Variants in PAM observed in about 807,000 individuals in gnomAD.
PAM encodes the protein peptidyl-glycine alpha-amidating monooxygenase.
Under a neutral mutation model 122.1 loss-of-function variants are expected in PAM, and 72 were observed. The observed-to-expected ratio is 0.59, with a 90% CI of 0.49 to 0.72. The LOEUF (loss-of-function observed/expected upper bound fraction) is 0.72, where lower values mean the gene tolerates loss of function less well. Ranked by LOEUF, PAM falls within the 30% of genes least tolerant of loss-of-function variation. The probability of loss-of-function intolerance (pLI) is 0.00; values close to 1 mark genes in which losing one functional copy is unlikely to be tolerated. For synonymous variants in PAM, 389 were observed against 404.4 expected, an observed-to-expected ratio of 0.96 and a Z score of 0.46; for missense variants, 1,106 against 1,183.7, an observed-to-expected ratio of 0.93 and a Z score of 0.96.
In PAM at chr5:102,901,428, G is replaced by T. The variant is rs745491441; in HGVS notation, c.268+15G>T. On this transcript the variant is annotated intron_variant, in intron 4 of 25. Coordinates refer to ENST00000438793, the MANE Select transcript of PAM (RefSeq NM_001177306.2). The stretch of plus-strand genomic sequence containing the variant: ...AGCCTTCGTGAGTAAGTATTAATTG[G>T]ATTGGGGGAGTAGCAGTTTAATGGA... The T allele has an allele frequency of 1.2e-5, 18 of 1,462,118 alleles. No homozygotes were observed. In the East Asian group the frequency reaches 3.4e-4, roughly 28 times the overall value. The allele number at this position is 1,462,118 out of a possible 1,614,324, so 90.6% of individuals were successfully genotyped here.
chr5:102,858,979 G>A (rs1421564328), intron 1 of PAM, among the ~76,000 whole-genome samples: 1 of 151,724 alleles, frequency 6.6e-6, no homozygotes, highest in Non-Finnish European at 1.5e-5. Flanking sequence ...TTACTCATGT[G>A]TTTGTGGTGA....
intron 1 of PAM, among the ~76,000 whole-genome samples, chr5:102,789,517 T>A (rs1179200290): frequency 1.3e-5 from 2 of 152,118 alleles, no homozygotes; most frequent in African/African-American, 4.8e-5. Context: ...GACATTACGC[T>A]AGGTGAAATA....
At chr5:102,788,333 G>A (rs1761117688) in intron 1 of PAM, among the ~76,000 whole-genome samples, 1 of 152,090 alleles carries the variant, frequency 6.6e-6, no homozygotes, top group Non-Finnish European at 1.5e-5. Context: ...GAAGGTGGCA[G>A]TGAGTTATTA....
At chr5:102,985,915 C>G (rs1428615442) in intron 15 of PAM, among the ~76,000 whole-genome samples, 1 of 152,054 alleles carries the variant, frequency 6.6e-6, no homozygotes, top group African/African-American at 2.4e-5. Context: ...AAATTTATTG[C>G]TGGGATATGA....
intron 1 of PAM, among the ~76,000 whole-genome samples, chr5:102,790,805 C>T (rs1457978290): frequency 6.6e-6 from 1 of 151,920 alleles, no homozygotes; most frequent in East Asian, 1.9e-4. Context: ...TTGAATTATA[C>T]TTGTTCATTA....
chr5:102,953,904 T>C (rs1437043938), intron 12 of PAM, among the ~76,000 whole-genome samples: 6 of 152,060 alleles, frequency 3.9e-5, no homozygotes, highest in African/African-American at 1.2e-4. Context: ...TCCCAGCTAC[T>C]TGGGAGGCTG....
chr5:102,755,338 T>C lies in PAM; in HGVS notation c.-384T>C, dbSNP rs1749774407. On this transcript the variant is annotated 5_prime_UTR_variant, in exon 1 of 26. Coordinates refer to ENST00000438793, the MANE Select transcript of PAM (RefSeq NM_001177306.2). The stretch of plus-strand genomic sequence containing the variant: ...CGGCTTCCGTCCCGGACAGAGCCCG[T>C]GGTCGCGCAGGTTGGTGTTGTTGCC... 1 of 152,132 alleles carries C rather than the reference T, an allele frequency of 6.6e-6. No individual in the cohort carries two copies. Among genetic ancestry groups the C allele is most frequent in the Non-Finnish European group, 1.5e-5 (1 of 68,146 alleles). The allele number at this position is 152,132 out of a possible 1,614,324, so 9.4% of individuals were successfully genotyped here.
At chr5:103,022,073 T>G (rs1257050024) in intron 23 of PAM, among the ~76,000 whole-genome samples, 1 of 151,780 alleles carries the variant, frequency 6.6e-6, no homozygotes, top group East Asian at 1.9e-4. Flanking sequence ...TATAGCAATA[T>G]CTCACCAAAG....
intron 1 of PAM, among the ~76,000 whole-genome samples, chr5:102,772,256 C>A (rs191940406): frequency 2.6e-5 from 4 of 152,094 alleles, no homozygotes; most frequent in African/African-American, 7.2e-5. Context: ...ATGTTGTAAA[C>A]CTTACCTAGA....
At chr5:102,881,919 A>G (rs2151140877) in intron 3 of PAM, among the ~76,000 whole-genome samples, 1 of 150,630 alleles carries the variant, frequency 6.6e-6, no homozygotes, top group East Asian at 2.0e-4. Context: ...CCAACTTATG[A>G]GTGAGAACAT....
chr5:102,977,470 G>A (rs1768061142), intron 15 of PAM, among the ~76,000 whole-genome samples: 1 of 151,814 alleles, frequency 6.6e-6, no homozygotes, highest in African/African-American at 2.4e-5. Context: ...TTTTTTTTAG[G>A]TTTTATCTTC....
intron 3 of PAM, among the ~76,000 whole-genome samples, chr5:102,869,666 C>T (rs1786744100): frequency 6.6e-6 from 1 of 152,114 alleles, no homozygotes; most frequent in African/African-American, 2.4e-5. Context: ...GGTAGACTAT[C>T]CATTGAATAT....
Position 102,913,303 on chromosome 5 carries a change from C to T in PAM, c.269-631C>T, listed in dbSNP as rs193278903. Among the ~76,000 whole-genome samples, 186 of 152,012 alleles carry T rather than the reference C, an allele frequency of 1.2e-3. 1 individual carries two copies. Among genetic ancestry groups the T allele is most frequent in the African/African-American group, 4.2e-3 (176 of 41,516 alleles). ...TTCAACAACTATTATTAGGAGAAAA[C>T]GAGAAATGTCATTCCATAACTTCTA... On this transcript the variant is annotated intron_variant, in intron 4 of 25. Coordinates refer to ENST00000438793, the MANE Select transcript of PAM (RefSeq NM_001177306.2).
intron 9 of PAM, among the ~76,000 whole-genome samples, chr5:102,948,654 G>A (rs1383953866): frequency 6.6e-6 from 1 of 151,954 alleles, no homozygotes; most frequent in Non-Finnish European, 1.5e-5. Flanking sequence ...TTATTGAGAT[G>A]CTAGGAATTG....
chr5:102,909,923 A>T (rs1175526477), intron 4 of PAM, among the ~76,000 whole-genome samples: 1 of 151,900 alleles, frequency 6.6e-6, no homozygotes, highest in East Asian at 1.9e-4. Flanking sequence ...TAGGTCAATT[A>T]TCTATGCTCT....
At chr5:102,947,454 C>T (rs963824855) in intron 8 of PAM, among the ~76,000 whole-genome samples, 1 of 152,094 alleles carries the variant, frequency 6.6e-6, no homozygotes, top group Non-Finnish European at 1.5e-5. Flanking sequence ...TGTTCTCACT[C>T]ATAAGTGGGA....
At chr5:102,839,606 T>C (rs1778044193) in intron 1 of PAM, among the ~76,000 whole-genome samples, 1 of 151,994 alleles carries the variant, frequency 6.6e-6, no homozygotes, top group Non-Finnish European at 1.5e-5. Context: ...CTTCTTTCTG[T>C]CTTTAAATCA....
At chr5:102,763,860 A>G (rs1347799870) in intron 1 of PAM, among the ~76,000 whole-genome samples, 2 of 152,200 alleles carry the variant, frequency 1.3e-5, no homozygotes, top group African/African-American at 4.8e-5. Context: ...ATAAGAACAT[A>G]GGAGAGTGTT....
intron 14 of PAM, among the ~76,000 whole-genome samples, chr5:102,973,538 A>T (rs1355218181): frequency 2.0e-5 from 3 of 152,148 alleles, no homozygotes; most frequent in African/African-American, 7.2e-5. Context: ...TCACTTGCTC[A>T]TTTTTTGTTT....
Sources: allele counts gnomAD v4.1 joint callset (sites outside exome capture counted in the v4.1 genomes callset), GRCh38; gene constraint gnomAD v4.1.1; transcripts MANE v1.5; gene names NCBI Gene and HGNC (gene_info 2026-07-23, HGNC 2026-07-21).